Variants in ROR2 observed in about 807,000 individuals in gnomAD.
ROR2 encodes ROR family WNT receptor 2.
A neutral mutation model predicts 74.9 loss-of-function variants in ROR2; 33 were observed. The observed-to-expected ratio is 0.44, with a 90% confidence interval of 0.33 to 0.59. The LOEUF (loss-of-function observed/expected upper bound fraction) is 0.59. ROR2 is among the 20% of genes least tolerant of loss of function. The pLI is 0.02. For missense variants in ROR2, 1,216 were observed against 1,313.8 expected, an observed-to-expected ratio of 0.93 and a Z score of 1.15; for synonymous variants, 586 against 558.7, an observed-to-expected ratio of 1.05 and a Z score of -0.69.
At chr9:91,775,005 G>A (rs894906081) in intron 2 of ROR2, among the ~76,000 whole-genome samples, 5 of 152,182 alleles carry the variant, frequency 3.3e-5, no homozygotes, top group Admixed American at 6.5e-5. Context: ...TCTCTCCACC[G>A]TAAGAGGACA....
chr9:91,884,150 C>G (rs572299511), intron 1 of ROR2, among the ~76,000 whole-genome samples: 1 of 152,222 alleles, frequency 6.6e-6, no homozygotes, highest in South Asian at 2.1e-4. Context: ...TCTCTGGTTT[C>G]ACCAATCTGA....
intron 1 of ROR2, among the ~76,000 whole-genome samples, chr9:91,778,176 G>A (rs768152645): frequency 2.6e-5 from 4 of 152,180 alleles, no homozygotes; most frequent in South Asian, 2.1e-4. Context: ...CTGGTGACTC[G>A]CAGGATCAGG....
chr9:91,937,987 G>A (rs1831748035), intron 1 of ROR2, among the ~76,000 whole-genome samples: 1 of 152,140 alleles, frequency 6.6e-6, no homozygotes, highest in South Asian at 2.1e-4. Context: ...CGAAGTGCTG[G>A]GATTACAGGC....
At chr9:91,757,015 C>T (rs895698219) in intron 3 of ROR2, among the ~76,000 whole-genome samples, 1 of 152,076 alleles carries the variant, frequency 6.6e-6, no homozygotes, top group Non-Finnish European at 1.5e-5. Flanking sequence ...GGTGATCCGC[C>T]CACCTCGGCC....
intron 1 of ROR2, among the ~76,000 whole-genome samples, chr9:91,844,565 C>A (rs1255214389): frequency 6.6e-6 from 1 of 152,182 alleles, no homozygotes; most frequent in Non-Finnish European, 1.5e-5. Context: ...AATCTGAAAT[C>A]CACTGTACGA....
At position 91,730,939 on chromosome 9, in the gene ROR2, C is replaced by T. The variant is rs755135206; in HGVS notation, c.1154G>A (p.Arg385His). 27 of 1,614,024 alleles carry T rather than the reference C, an allele frequency of 1.7e-5. No homozygotes were observed. The highest frequency in any genetic ancestry group is 1.1e-4 in the South Asian group (10 of 91,064). ...CGAGGGTACGTCACACAGTTCCATG[C>T]GTACGTTTTTATTCTGCGTAAAGCA... ...PWCFTQNKNV[R>H]MELCDVPSCS... Residue 385 changes from arginine (R) to histidine (H), a missense_variant, in exon 7 of 9, where the codon CGC (arginine) becomes CAC (histidine). Arg to His is a conservative substitution (Grantham distance 29). Coordinates refer to ENST00000375708, the MANE Select transcript of ROR2 (RefSeq NM_004560.4).
intron 1 of ROR2, among the ~76,000 whole-genome samples, chr9:91,873,183 A>G (rs1829854268): frequency 1.3e-5 from 2 of 149,736 alleles, no homozygotes. Flanking sequence ...TGAACTTAAC[A>G]TAAAACTGTA....
rs1431246644 is a variant in ROR2, at chr9:91,949,910, G to C, written c.54C>G (p.Val18=). ...PRRPLLCIPA[V]WAAAALLLSV... Reference sequence around the variant, plus strand: ...AGAGCAGAAGCGCGGCGGCCGCCCAGACGGCCGGGATGCACAGCAGCGGCC... The same window carrying C: ...AGAGCAGAAGCGCGGCGGCCGCCCACACGGCCGGGATGCACAGCAGCGGCC... The change falls in exon 1 of 9, where the codon GTC becomes GTG. Residue 18 remains valine, a synonymous_variant. Transcript: ENST00000375708. 1.4e-5 allele frequency: 21 copies of C among 1,539,662 alleles called. No homozygotes were observed. The highest frequency in any genetic ancestry group is 1.6e-5 in the Non-Finnish European group (18 of 1,142,940).
intron 1 of ROR2, among the ~76,000 whole-genome samples, chr9:91,831,354 T>C (rs1024537026): frequency 2.0e-5 from 3 of 152,176 alleles, no homozygotes; most frequent in Non-Finnish European, 2.9e-5. Context: ...GAAGTCATGT[T>C]TTGGGCTGAG....
At chr9:91,836,716 C>A (rs984361951) in intron 1 of ROR2, among the ~76,000 whole-genome samples, 1 of 151,834 alleles carries the variant, frequency 6.6e-6, no homozygotes, top group East Asian at 2.0e-4. Flanking sequence ...GGAGGAGCTG[C>A]GGCTCACAGG....
chr9:91,832,664 T>C (rs539348256), intron 1 of ROR2, among the ~76,000 whole-genome samples: 12 of 152,334 alleles, frequency 7.9e-5, no homozygotes, highest in African/African-American at 2.6e-4. Context: ...CCAGCCACCC[T>C]TCCCTGTGGT....
intron 1 of ROR2, among the ~76,000 whole-genome samples, chr9:91,827,010 A>G (rs1828314830): frequency 6.6e-6 from 1 of 152,216 alleles, no homozygotes; most frequent in Admixed American, 6.5e-5. Flanking sequence ...CAAGACCATT[A>G]TTAAAGCATT....
intron 1 of ROR2, among the ~76,000 whole-genome samples, chr9:91,781,209 A>C (rs1237522865): frequency 6.6e-6 from 1 of 152,250 alleles, no homozygotes; most frequent in Non-Finnish European, 1.5e-5. Context: ...GTTTAAGAAC[A>C]GAAGTCACGG....
In ROR2 at chr9:91,922,615, G is replaced by A. The variant is rs368791497; in HGVS notation, c.97+27252C>T. On this transcript the variant is annotated intron_variant, in intron 1 of 8. Coordinates refer to ENST00000375708, the MANE Select transcript of ROR2 (RefSeq NM_004560.4). ...ACTACAGGCGCGTACCACCATGCCC[G>A]GCTAATTTTTTGTATTTTTAGTAGA... is the stretch of plus-strand genomic sequence containing the variant. Among the ~76,000 whole-genome samples, 158 of 152,076 alleles carry A rather than the reference G, an allele frequency of 1.0e-3. 1 individual carries two copies. Among genetic ancestry groups the A allele is most frequent in the Non-Finnish European group, 1.1e-3 (76 of 67,988 alleles).
At chr9:91,945,939 T>C (rs1395242192) in intron 1 of ROR2, among the ~76,000 whole-genome samples, 1 of 152,178 alleles carries the variant, frequency 6.6e-6, no homozygotes, top group African/African-American at 2.4e-5. Context: ...CCCCGGCCAG[T>C]TGCAGCTATA....
At chr9:91,754,367 T>G (rs1465402642) in intron 4 of ROR2, among the ~76,000 whole-genome samples, 1 of 151,762 alleles carries the variant, frequency 6.6e-6, no homozygotes, top group Non-Finnish European at 1.5e-5. Context: ...ATAAAATACA[T>G]AAATATAGGC....
At chr9:91,884,212 C>T (rs1830206885) in intron 1 of ROR2, among the ~76,000 whole-genome samples, 1 of 152,172 alleles carries the variant, frequency 6.6e-6, no homozygotes. Context: ...AACACCATCT[C>T]ATAAAACCCA....
chr9:91,913,105 A>G (rs1229268967), intron 1 of ROR2, among the ~76,000 whole-genome samples: 2 of 152,182 alleles, frequency 1.3e-5, no homozygotes, highest in African/African-American at 4.8e-5. Flanking sequence ...CTCCAGCCTG[A>G]GCAACAGAGT....
intron 1 of ROR2, among the ~76,000 whole-genome samples, chr9:91,851,028 G>A (rs1280518304): frequency 6.6e-6 from 1 of 152,074 alleles, no homozygotes; most frequent in Non-Finnish European, 1.5e-5. Flanking sequence ...CCACTCATTG[G>A]AAAAGTGAGT....
Sources: gnomAD v4.1 joint callset for allele counts (sites outside exome capture counted in the v4.1 genomes callset) on GRCh38, gnomAD v4.1.1 for gene constraint, MANE v1.5 for transcripts, NCBI Gene and HGNC (gene_info 2026-07-23, HGNC 2026-07-21) for gene names.